The following CLASP2 variants were observed in gnomAD, a reference collection of about 807,000 sequenced individuals.
CLASP2 encodes cytoplasmic linker associated protein 2.
In CLASP2, 47 loss-of-function variants were observed where a neutral mutation model predicts 194.4. That is an observed-to-expected ratio of 0.24 (90% CI 0.19 to 0.31). The LOEUF (loss-of-function observed/expected upper bound fraction) is 0.31, where lower values mean the gene tolerates loss of function less well. CLASP2 is among the 10% of genes least tolerant of loss of function. CLASP2 has a pLI of 1.00. For missense variants in CLASP2, 1,445 were observed against 1,823.6 expected (o/e 0.79, Z 3.78); for synonymous variants, 619 against 633.5 (o/e 0.98, Z 0.34).
At chr3:33,618,540 T>TG (rs36097158) in intron 12 of CLASP2, among the ~76,000 whole-genome samples, 66,237 of 151,650 alleles carry the variant, frequency 0.44, 14,743 homozygotes, top group Admixed American at 0.53. Flanking sequence ...ACCCGCTACT[T>TG]GGAGGCTGAG....
chr3:33,672,726 C>A (rs1410814434), intron 6 of CLASP2, among the ~76,000 whole-genome samples: 1 of 152,062 alleles, frequency 6.6e-6, no homozygotes, highest in Non-Finnish European at 1.5e-5. Flanking sequence ...ACTAGAATAA[C>A]CAATACAGAG....
At chr3:33,580,889 G>A (rs9311017) in intron 23 of CLASP2, among the ~76,000 whole-genome samples, 8,016 of 151,288 alleles carry the variant, frequency 0.053, 667 homozygotes, top group African/African-American at 0.18. Flanking sequence ...GGTGGCAGGC[G>A]CCTGTAGTCC....
intron 1 of CLASP2, among the ~76,000 whole-genome samples, chr3:33,708,245 C>T (rs2092788531): frequency 6.6e-6 from 1 of 151,706 alleles, no homozygotes; most frequent in Admixed American, 6.6e-5. Context: ...CTGGTAATCA[C>T]CATTCTATAT....
intron 12 of CLASP2, among the ~76,000 whole-genome samples, chr3:33,612,311 T>C (rs6807732): frequency 0.44 from 66,183 of 151,992 alleles, 14,713 homozygotes; most frequent in Admixed American, 0.53. Context: ...AAAAGTTAAC[T>C]GTTTAACTGC....
chr3:33,591,606 A>T (rs1042419924), intron 21 of CLASP2, among the ~76,000 whole-genome samples: 6 of 152,348 alleles, frequency 3.9e-5, no homozygotes, highest in African/African-American at 1.4e-4. Context: ...GTAAGACCCC[A>T]TCTCTCATTC....
intron 7 of CLASP2, among the ~76,000 whole-genome samples, chr3:33,661,635 T>C (rs1216126507): frequency 3.3e-5 from 5 of 152,018 alleles, no homozygotes; most frequent in Non-Finnish European, 7.4e-5. Context: ...GATAACAGGG[T>C]TTCATTTTTG....
At chr3:33,680,357 T>C (rs1190122086) in intron 6 of CLASP2, among the ~76,000 whole-genome samples, 1 of 152,172 alleles carries the variant, frequency 6.6e-6, no homozygotes, top group Non-Finnish European at 1.5e-5. Context: ...AATCTTTGGG[T>C]GATAATGATA....
chr3:33,544,686 A>G lies in CLASP2; in HGVS notation c.3297+12T>C, dbSNP rs2058874736. 6.2e-7 allele frequency: 1 copy of G among 1,604,196 alleles called. No individual in the cohort carries two copies. On this transcript the variant is annotated intron_variant, in intron 31 of 38. Transcript: ENST00000682230. ...ACATTATATGATAGCCAAGAAAATA[A>G]GTAACAATTACCTGGGTTCCATTGC...
chr3:33,619,500 T>C (rs1201663848), intron 12 of CLASP2, 103 bp downstream of exon 12: 2 of 985,056 alleles, frequency 2.0e-6, no homozygotes, highest in Non-Finnish European at 2.8e-6. Context: ...TGACTTACAT[T>C]GAGAGAGAGG....
At chr3:33,702,064 G>A (rs2092412178) in intron 1 of CLASP2, among the ~76,000 whole-genome samples, 1 of 152,162 alleles carries the variant, frequency 6.6e-6, no homozygotes. Flanking sequence ...CCCAGTCACA[G>A]ATTAAGAGAA....
chr3:33,664,866 AAGC>A (rs1235491829), intron 6 of CLASP2, among the ~76,000 whole-genome samples: 1 of 151,964 alleles, frequency 6.6e-6, no homozygotes, highest in African/African-American at 2.4e-5. Flanking sequence ...TTGGGAGGCC[AAGC>A]AGCGCAGATC....
intron 29 of CLASP2, 79 bp downstream of exon 29, chr3:33,559,228 G>T: frequency 1.0e-6 from 1 of 959,216 alleles, no homozygotes; most frequent in Non-Finnish European, 1.6e-6. Context: ...TCATGTGACA[G>T]AAATACAAAT....
At chr3:33,686,445 C>A (rs1317965764) in intron 5 of CLASP2, among the ~76,000 whole-genome samples, 1 of 152,108 alleles carries the variant, frequency 6.6e-6, no homozygotes, top group Non-Finnish European at 1.5e-5. Flanking sequence ...GAAGCACAAA[C>A]CCTATTTTGA....
intron 7 of CLASP2, among the ~76,000 whole-genome samples, chr3:33,656,052 G>A (rs1459005458): frequency 6.6e-6 from 1 of 152,080 alleles, no homozygotes; most frequent in Non-Finnish European, 1.5e-5. Flanking sequence ...TGGTTTGATT[G>A]CCCAGAGCTA....
chr3:33,653,674 A>G lies in CLASP2; in HGVS notation c.716-8771T>C, dbSNP rs116510515. Among the ~76,000 whole-genome samples, 258 of 152,308 alleles carry G rather than the reference A, an allele frequency of 1.7e-3. 1 individual carries two copies. The highest frequency in any genetic ancestry group is 5.6e-3 in the African/African-American group (231 of 41,574). ...TATACATGATGAGTACCATGTGCACATACACACACATCTTAGTCCAGCAGG... is the reference window on the plus strand; with the variant it reads ...TATACATGATGAGTACCATGTGCACGTACACACACATCTTAGTCCAGCAGG... On this transcript the variant is annotated intron_variant, in intron 7 of 38. Transcript: ENST00000682230.
chr3:33,659,573 A>G (rs755993098), intron 7 of CLASP2: 14 of 209,060 alleles, frequency 6.7e-5, no homozygotes, highest in Non-Finnish European at 1.2e-4. Context: ...TTCCATGATT[A>G]ACTGCTCTCA....
intron 34 of CLASP2, among the ~76,000 whole-genome samples, chr3:33,529,973 A>G (rs1324011507): frequency 7.9e-6 from 1 of 127,036 alleles, no homozygotes; most frequent in East Asian, 2.6e-4. Flanking sequence ...CGACAGAGCG[A>G]GACTCCGTCT....
intron 7 of CLASP2, among the ~76,000 whole-genome samples, chr3:33,660,225 G>A (rs941991873): frequency 6.6e-6 from 1 of 152,106 alleles, no homozygotes; most frequent in Non-Finnish European, 1.5e-5. Context: ...CGACACCAGC[G>A]CCTGCCATAA....
At chr3:33,590,596 AG>A (rs1472998037) in intron 21 of CLASP2, among the ~76,000 whole-genome samples, 2 of 152,214 alleles carry the variant, frequency 1.3e-5, no homozygotes, top group Admixed American at 1.3e-4. Flanking sequence ...TTGAGATAAA[AG>A]TTTTCCCATT....
Sources: gnomAD v4.1 joint callset for allele counts (sites outside exome capture counted in the v4.1 genomes callset) on GRCh38, gnomAD v4.1.1 for gene constraint, MANE v1.5 for transcripts, NCBI Gene and HGNC (gene_info 2026-07-23, HGNC 2026-07-21) for gene names.